Variants in PNPLA7 observed in about 807,000 individuals in gnomAD.
PNPLA7 encodes the protein patatin-like phospholipase domain-containing protein 7.
A neutral mutation model predicts 161.7 loss-of-function variants in PNPLA7; 153 were observed. The observed-to-expected ratio is 0.95, with a 90% CI of 0.83 to 1.08. PNPLA7 has a LOEUF of 1.08. Among genes scored for constraint, PNPLA7 ranks in the 50% least tolerant of loss-of-function variants. The pLI is 0.00. For synonymous variants in PNPLA7, 809 were observed against 782.1 expected (o/e 1.03, Z -0.57); for missense variants, 1,739 against 1,856.6 (o/e 0.94, Z 1.16).
At position 137,464,431 on chromosome 9, in the gene PNPLA7, G is replaced by A. The variant is rs368940088; in HGVS notation, c.3065C>T (p.Ala1022Val). The A allele has an allele frequency of 5.6e-6, 9 of 1,613,810 alleles. No homozygotes were observed. Among genetic ancestry groups the A allele is most frequent in the African/African-American group, 1.3e-5 (1 of 74,916 alleles). ...AEGMTSLMKA[A>V]LDLTYPITSM... ...CGTGATGGGGTAGGTGAGGTCCAGC[G>A]CGGCCTTCATCAAGGACGTCATGCC... is the stretch of plus-strand genomic sequence containing the variant. The change falls in exon 27 of 35, where the codon GCG (alanine) becomes GTG (valine). Residue 1022 changes from alanine to valine, a missense_variant. By Grantham distance (64) the Ala-to-Val change is moderately conservative. Coordinates refer to ENST00000406427, the MANE Select transcript of PNPLA7 (RefSeq NM_001098537.3).
Position 137,540,384 on chromosome 9 carries a change from T to A in PNPLA7, c.747+258A>T, listed in dbSNP as rs1389328936. On this transcript the variant is annotated intron_variant, in intron 8 of 34. Transcript: ENST00000406427. The surrounding 1 kb of genome is among the most constrained non-coding windows in gnomAD (Gnocchi z 5.1). ...CTTTTGAATGCTGAACCACATGCAT[T>A]TATGACCCAGTTCAACAACAGTCAT... Among the ~76,000 whole-genome samples the A allele has an allele frequency of 6.6e-6, 1 of 152,170 alleles. No homozygotes were observed. The highest frequency in any genetic ancestry group is 1.5e-5 in the Non-Finnish European group (1 of 68,016).
In PNPLA7 at chr9:137,543,425, C is replaced by A; in HGVS notation, c.506+7G>T. On this transcript the variant is annotated splice_region_variant and intron_variant, in intron 6 of 34. Transcript: ENST00000406427. The surrounding 1 kb of genome is among the most constrained non-coding windows in gnomAD (Gnocchi z 6.9). ...CCGCAGCCCCCGGGGCTCATCCCCG[C>A]TCTTACCGAACGTTTTTCAGCATGT... 1 of 1,614,026 alleles carries A rather than the reference C, an allele frequency of 6.2e-7. No homozygotes were observed. Among genetic ancestry groups the A allele is most frequent in the South Asian group, 1.1e-5 (1 of 91,092 alleles).
At chr9:137,494,673 C>T (rs1832947384) in intron 19 of PNPLA7, among the ~76,000 whole-genome samples, 1 of 147,640 alleles carries the variant, frequency 6.8e-6, no homozygotes, top group Admixed American at 6.7e-5. Context: ...CTGTGCCCTG[C>T]CCTCACCTGC....
Position 137,461,968 on chromosome 9 carries a change from C to G in PNPLA7, c.3719G>C (p.Arg1240Pro), listed in dbSNP as rs1444788680. The change falls in exon 32 of 35, where the codon CGC becomes CCC. Residue 1240 changes from arginine to proline, a missense_variant. Arg to Pro is a moderately radical substitution (Grantham distance 103, BLOSUM62 -2). This residue lies in a region of PNPLA7 where 703 missense variants were observed against 694.6 expected (regional missense o/e 1.01). Transcript: ENST00000406427. ...GRSGVLEKML[R>P]DQQGPSKKPA... ...CTTCTTGCTCGGCCCCTGCTGGTCGCGGAGCATCTTCTCCAGCACGCCGCT... is the reference window on the plus strand; with the variant it reads ...CTTCTTGCTCGGCCCCTGCTGGTCGGGGAGCATCTTCTCCAGCACGCCGCT... The G allele has an allele frequency of 1.9e-6, 3 of 1,597,122 alleles. No homozygotes were observed. The highest frequency in any genetic ancestry group is 1.1e-5 in the South Asian group (1 of 88,742).
At chr9:137,508,632 C>T (rs910446058) in intron 12 of PNPLA7, among the ~76,000 whole-genome samples, 3 of 151,708 alleles carry the variant, frequency 2.0e-5, no homozygotes, top group Non-Finnish European at 2.9e-5. Flanking sequence ...TCACTTTCTA[C>T]AAAAGAATAA....
chr9:137,505,961 G>A (rs1279157244), intron 13 of PNPLA7, 22 bp downstream of exon 13: 3 of 1,594,770 alleles, frequency 1.9e-6, no homozygotes, highest in East Asian at 2.3e-5. Flanking sequence ...GGCGGAGGGT[G>A]AGAATGACAG....
rs1832159277 is a variant in PNPLA7, at chr9:137,480,469, T to C, written c.2423A>G (p.Tyr808Cys). 6.2e-7 allele frequency: 1 copy of C among 1,611,330 alleles called. No homozygotes were observed. The highest frequency in any genetic ancestry group is 8.5e-7 in the Non-Finnish European group (1 of 1,178,550). Residue 808 changes from tyrosine to cysteine, a missense_variant, in exon 23 of 35, where the codon TAC (tyrosine) becomes TGC (cysteine). Physicochemically the swap from Tyr to Cys is radical, Grantham distance 194. Transcript: ENST00000406427. Reference sequence around the variant, plus strand: ...CTGCCCCAGCCAGCTGGACAGCCGGTACTCGTGAACACTGCAGCACGCAGA... The same window carrying C: ...CTGCCCCAGCCAGCTGGACAGCCGGCACTCGTGAACACTGCAGCACGCAGA... ...GSAALDSVHEYRLSSWLGQQE... is the reference protein window; with the variant it reads ...GSAALDSVHECRLSSWLGQQE...
In PNPLA7 at chr9:137,547,302, T is replaced by A; in HGVS notation, c.193+7A>T. On this transcript the variant is annotated splice_region_variant and intron_variant, in intron 3 of 34. Transcript: ENST00000406427. This position sits in a 1 kb window ranked among gnomAD's most constrained non-coding sequence, Gnocchi z 4.6. ...CCCCGGGCCAGAGTCGGAACCAAGA[T>A]ACTCACGAAATTGTCTAAGCCTTCT... 6.2e-7 allele frequency: 1 copy of A among 1,613,188 alleles called. No homozygotes were observed. The highest frequency in any genetic ancestry group is 8.5e-7 in the Non-Finnish European group (1 of 1,179,718).
intron 14 of PNPLA7, among the ~76,000 whole-genome samples, chr9:137,504,422 G>T (rs1833803215): frequency 6.6e-6 from 1 of 152,210 alleles, no homozygotes; most frequent in East Asian, 1.9e-4. Flanking sequence ...ATGTTGGTCA[G>T]GCTGGTCTCG....
chr9:137,532,416 G>A (rs746621070), intron 8 of PNPLA7, among the ~76,000 whole-genome samples: 9 of 152,182 alleles, frequency 5.9e-5, no homozygotes, highest in Non-Finnish European at 1.0e-4. Flanking sequence ...CAGCCTGGGT[G>A]ACAGAGTGAG....
At chr9:137,493,215 T>A in intron 19 of PNPLA7, 133 bp from the exon 20 acceptor site, 2 of 908,896 alleles carry the variant, frequency 2.2e-6, no homozygotes, top group Non-Finnish European at 3.5e-6. Flanking sequence ...CTCCATGAAC[T>A]GAGTTGCACA....
chr9:137,477,339 G>C (rs1831986565), intron 25 of PNPLA7, among the ~76,000 whole-genome samples: 1 of 152,228 alleles, frequency 6.6e-6, no homozygotes, highest in African/African-American at 2.4e-5. Flanking sequence ...GGGCAAAGCA[G>C]ATCATTCTTT....
chr9:137,484,411 C>G (rs1462460424), intron 21 of PNPLA7, among the ~76,000 whole-genome samples, 176 bp downstream of exon 21: 1 of 152,190 alleles, frequency 6.6e-6, no homozygotes, highest in Non-Finnish European at 1.5e-5. Flanking sequence ...ATTCCTTGCC[C>G]TTGAATCCCC....
At chr9:137,545,508 C>T (rs1025543910) in intron 4 of PNPLA7, among the ~76,000 whole-genome samples, 3 of 152,184 alleles carry the variant, frequency 2.0e-5, no homozygotes, top group Non-Finnish European at 4.4e-5. Context: ...ACTCTGGGGG[C>T]CGACAGGGCC....
rs532415897 is a variant in PNPLA7, at chr9:137,480,490, G to A, written c.2412-10C>T. On this transcript the variant is annotated splice_polypyrimidine_tract_variant and intron_variant, in intron 22 of 34. Coordinates refer to ENST00000406427, the MANE Select transcript of PNPLA7 (RefSeq NM_001098537.3). Reference sequence around the variant, plus strand: ...CCGGTACTCGTGAACACTGCAGCACGCAGAGGGAGTACCTCACTACTCCGC... The same window carrying A: ...CCGGTACTCGTGAACACTGCAGCACACAGAGGGAGTACCTCACTACTCCGC... The A allele has an allele frequency of 1.4e-5, 23 of 1,598,530 alleles. No homozygotes were observed. The East Asian group carries it at 2.5e-4, about 17-fold the overall frequency.
Position 137,467,468 on chromosome 9 carries a change from C to A in PNPLA7, c.2888G>T (p.Cys963Phe). 6 of 1,612,894 alleles carry A rather than the reference C, an allele frequency of 3.7e-6. No individual in the cohort carries two copies. The highest frequency in any genetic ancestry group is 5.1e-6 in the Non-Finnish European group (6 of 1,179,948). ...LVLGGGGARGCAQVGVLKALA... is the reference protein window; with the variant it reads ...LVLGGGGARGFAQVGVLKALA... ...GGCCTTGAGAACGCCCACCTGGGCA[C>A]AGCCTCTACACCAGCCAGGGACACA... Residue 963 changes from cysteine to phenylalanine, a missense_variant, in exon 26 of 35, where the codon TGT becomes TTT. Physicochemically the swap from Cys to Phe is radical, Grantham distance 205. Transcript: ENST00000406427. This position sits in a 1 kb window ranked among gnomAD's most constrained non-coding sequence, Gnocchi z 5.1.
intron 14 of PNPLA7, 95 bp downstream of exon 14, chr9:137,505,519 G>A (rs1157843472): frequency 1.6e-5 from 24 of 1,454,684 alleles, no homozygotes; most frequent in Non-Finnish European, 2.3e-5. Context: ...TGCAGCCACT[G>A]TCCTCCACAC....
chr9:137,528,921 C>T (rs1041572823), intron 8 of PNPLA7, among the ~76,000 whole-genome samples: 3 of 151,012 alleles, frequency 2.0e-5, no homozygotes, highest in South Asian at 4.2e-4. Flanking sequence ...AGGATGGTCT[C>T]GATCTCCTGA....
chr9:137,488,027 A>C (rs75166821), intron 20 of PNPLA7, among the ~76,000 whole-genome samples: 1,631 of 152,330 alleles, frequency 0.011, 27 homozygotes, highest in African/African-American at 0.037. Flanking sequence ...AATCAGGAGG[A>C]AATAACTCCC....
Sources: gnomAD v4.1 joint callset for allele counts (sites outside exome capture counted in the v4.1 genomes callset) on GRCh38, gnomAD v4.1.1 for gene constraint, gnomAD v4.1.1 regional missense constraint, Gnocchi (gnomAD v3.1) non-coding constraint, MANE v1.5 for transcripts, NCBI Gene and HGNC (gene_info 2026-07-23, HGNC 2026-07-21) for gene names.